Variants in USP34 observed in about 807,000 individuals in gnomAD.
The protein encoded by USP34 is ubiquitin specific peptidase 34.
USP34 carries 70 observed loss-of-function variants against 460.3 expected under a neutral mutation model. The observed-to-expected ratio is 0.15, with a 90% CI of 0.13 to 0.19. The LOEUF is 0.19. Among genes scored for constraint, USP34 ranks in the 10% least tolerant of loss-of-function variants. The pLI is 1.00. For missense variants in USP34, 3,985 were observed against 4,236.2 expected, an observed-to-expected ratio of 0.94 and a Z score of 1.65; for synonymous variants, 1,647 against 1,405.3, an observed-to-expected ratio of 1.17 and a Z score of -3.85.
At chr2:61,364,695 G>A (rs1320571955) in intron 10 of USP34, among the ~76,000 whole-genome samples, 2 of 152,144 alleles carry the variant, frequency 1.3e-5, no homozygotes, top group South Asian at 2.1e-4. Flanking sequence ...TTGGGAGGTC[G>A]AGACAGGCAG....
intron 21 of USP34, among the ~76,000 whole-genome samples, chr2:61,324,204 C>A (rs1194933669): frequency 6.6e-6 from 1 of 152,204 alleles, no homozygotes; most frequent in Non-Finnish European, 1.5e-5. Context: ...CTTTGGCTAA[C>A]AGAAATCAAG....
chr2:61,288,954 G>T (rs1233170227), intron 33 of USP34, 77 bp from the exon 34 acceptor site: 9 of 1,450,466 alleles, frequency 6.2e-6, no homozygotes, highest in Non-Finnish European at 5.6e-6. Flanking sequence ...GAAATTAAAA[G>T]ACCAGAAAAT....
chr2:61,314,021 T>G (rs889897229), intron 25 of USP34, among the ~76,000 whole-genome samples: 4 of 152,116 alleles, frequency 2.6e-5, no homozygotes, highest in Non-Finnish European at 5.9e-5. Context: ...AGTCGATATA[T>G]TCATAAATAT....
intron 17 of USP34, 41 bp from the exon 18 acceptor site, chr2:61,339,519 C>T: frequency 6.4e-7 from 1 of 1,559,318 alleles, no homozygotes; most frequent in Non-Finnish European, 8.7e-7. Flanking sequence ...ATCCTAATTG[C>T]ATCTTGCTGA....
intron 49 of USP34, among the ~76,000 whole-genome samples, chr2:61,247,476 C>G (rs925444257): frequency 6.6e-6 from 1 of 152,174 alleles, no homozygotes; most frequent in African/African-American, 2.4e-5. Context: ...GGAAACATCA[C>G]AAGAAATATA....
chr2:61,264,020 T>C (rs1445820325), intron 43 of USP34, among the ~76,000 whole-genome samples: 1 of 152,198 alleles, frequency 6.6e-6, no homozygotes, highest in Non-Finnish European at 1.5e-5. Flanking sequence ...CCAAGAAGCA[T>C]GACCAAGTTG....
intron 15 of USP34, among the ~76,000 whole-genome samples, chr2:61,344,449 C>CTTAA (rs1691700812): frequency 3.3e-5 from 5 of 152,130 alleles, no homozygotes; most frequent in African/African-American, 1.2e-4. Flanking sequence ...AACTGGGGAA[C>CTTAA]TTCTAACCAA....
Position 61,301,164 on chromosome 2 carries a change from TA to T in USP34, c.3919-5del, listed in dbSNP as rs11428092. ...CACCCAAAGATACAAATACCATCTA[TA>T]AAAAACAGGAAAAAAAATTTATGCA... On this transcript the variant is annotated splice_polypyrimidine_tract_variant and splice_region_variant and intron_variant, in intron 28 of 79. Transcript: ENST00000398571. 6.3e-7 allele frequency: 1 copy of T among 1,582,052 alleles called. No individual in the cohort carries two copies. Among genetic ancestry groups the T allele is most frequent in the Non-Finnish European group, 8.6e-7 (1 of 1,168,782 alleles).
At chr2:61,364,445 G>C (rs939055717) in intron 10 of USP34, among the ~76,000 whole-genome samples, 2 of 152,184 alleles carry the variant, frequency 1.3e-5, no homozygotes, top group Admixed American at 1.3e-4. Context: ...TAGGTACAAA[G>C]TTGTTACTGG....
chr2:61,397,234 A>C (rs1367574283), intron 3 of USP34, among the ~76,000 whole-genome samples: 1 of 147,044 alleles, frequency 6.8e-6, no homozygotes, highest in East Asian at 2.0e-4. Context: ...TTTGAGGTCA[A>C]GAGTTCTAGA....
At chr2:61,443,064 C>T (rs1471033984) in intron 1 of USP34, among the ~76,000 whole-genome samples, 1 of 151,632 alleles carries the variant, frequency 6.6e-6, no homozygotes, top group Non-Finnish European at 1.5e-5. Flanking sequence ...AGTTCTTACT[C>T]ATGTGGAAGC....
intron 62 of USP34, among the ~76,000 whole-genome samples, chr2:61,226,153 C>T (rs1043050809): frequency 4.6e-5 from 7 of 152,062 alleles, no homozygotes; most frequent in Non-Finnish European, 8.8e-5. Flanking sequence ...AGCAAAATCA[C>T]GAACAAAACA....
In USP34 at chr2:61,405,884, A is replaced by AT; in HGVS notation, c.375dup (p.Ser126IlefsTer8). The AT allele has an allele frequency of 6.2e-7, 1 of 1,613,264 alleles. No individual in the cohort carries two copies. The highest frequency in any genetic ancestry group is 1.1e-5 in the South Asian group (1 of 91,038). The stretch of plus-strand genomic sequence containing the variant: ...AGATTACAAATTCTTGTAGAGTTTG[A>AT]TTTTTTTTCTATTGATTTTTGTCTT... On this transcript the variant is annotated frameshift_variant, in exon 3 of 80. Coordinates refer to ENST00000398571, the MANE Select transcript of USP34 (RefSeq NM_014709.4). LOFTEE classifies it high-confidence loss of function.
At position 61,295,183 on chromosome 2, in the gene USP34, T is replaced by C. The variant is rs767293889; in HGVS notation, c.4362A>G (p.Ile1454Met). The C allele has an allele frequency of 1.2e-6, 2 of 1,610,668 alleles. No individual in the cohort carries two copies. The highest frequency in any genetic ancestry group is 4.5e-5 in the East Asian group (2 of 44,744). ...IEALGKPNRR[I>M]RRESTGSYSD... ...ATGCAATTACCGTAGACTCCCTCCT[T>C]ATTCTTCTATTAGGTTTTCCCAGTG... The change falls in exon 31 of 80, where the codon ATA becomes ATG. Residue 1454 changes from isoleucine to methionine, a missense_variant. Ile to Met is a conservative substitution (Grantham distance 10). Transcript: ENST00000398571.
rs1304570851 is a variant in USP34 at position 61,419,468 on chromosome 2, C to T, written c.131+1278G>A. Among the ~76,000 whole-genome samples the T allele has an allele frequency of 2.6e-5, 4 of 152,218 alleles. No individual in the cohort carries two copies. In the East Asian group the frequency reaches 7.7e-4, roughly 29 times the overall value. On this transcript the variant is annotated intron_variant, in intron 2 of 79. Transcript: ENST00000398571. ...AAAATCTCCTTTATAATTTCATTCC[C>T]ATCCACAGACTCTTGGTTAAAAATT... is the stretch of plus-strand genomic sequence containing the variant.
chr2:61,240,522 C>A (rs1312334585), intron 53 of USP34, among the ~76,000 whole-genome samples: 1 of 152,088 alleles, frequency 6.6e-6, no homozygotes, highest in African/African-American at 2.4e-5. Flanking sequence ...TCGTGATCCG[C>A]CCGCCTCGGC....
intron 1 of USP34, among the ~76,000 whole-genome samples, chr2:61,425,138 T>A (rs933591286): frequency 2.0e-5 from 3 of 152,078 alleles, no homozygotes; most frequent in African/African-American, 7.2e-5. Context: ...TGAAAACAGG[T>A]GGGAGGCAGA....
At chr2:61,247,336 G>A (rs1370919382) in intron 49 of USP34, among the ~76,000 whole-genome samples, 4 of 152,194 alleles carry the variant, frequency 2.6e-5, no homozygotes, top group Non-Finnish European at 5.9e-5. Context: ...AGAAGGGTAT[G>A]ACTCAAGGTG....
At chr2:61,259,892 A>G (rs2103902741) in intron 43 of USP34, 116 bp from the exon 44 acceptor site, 3 of 862,012 alleles carry the variant, frequency 3.5e-6, no homozygotes, top group Non-Finnish European at 5.2e-6. Flanking sequence ...TTTTGGCTAT[A>G]TAAAAGAAAA....
Sources: allele counts gnomAD v4.1 joint callset (sites outside exome capture counted in the v4.1 genomes callset), GRCh38; gene constraint gnomAD v4.1.1; transcripts MANE v1.5; gene names NCBI Gene and HGNC (gene_info 2026-07-23, HGNC 2026-07-21).